The following CADM2 variants were observed in gnomAD, a reference collection of about 807,000 sequenced individuals.
CADM2 encodes the protein cell adhesion molecule 2.
Under a neutral mutation model 49.8 loss-of-function variants are expected in CADM2, and 12 were observed. That is an observed-to-expected ratio of 0.24 (90% CI 0.15 to 0.39). The LOEUF (loss-of-function observed/expected upper bound fraction) is 0.39. Among genes scored for constraint, CADM2 ranks in the 10% least tolerant of loss-of-function variants. The pLI is 1.00. For missense variants in CADM2, 378 were observed against 492.3 expected, an observed-to-expected ratio of 0.77 and a Z score of 2.20; for synonymous variants, 214 against 175.4, an observed-to-expected ratio of 1.22 and a Z score of -1.74.
chr3:85,721,965 A>G lies in CADM2; in HGVS notation c.62-4557A>G, dbSNP rs75365133. Among the ~76,000 whole-genome samples, 303 of 152,332 alleles carry G rather than the reference A, an allele frequency of 2.0e-3. 2 individuals are homozygous for G. Among genetic ancestry groups the G allele is most frequent in the African/African-American group, 7.1e-3 (296 of 41,594 alleles). On this transcript the variant is annotated intron_variant, in intron 1 of 9. Coordinates refer to ENST00000383699, the MANE Select transcript of CADM2 (RefSeq NM_001167675.2). ...TGAGGAGGAGCTTTATTGAGCAACA[A>G]TAGGTCAGAGGAGGCCCTGGAGTGG...
intron 1 of CADM2, among the ~76,000 whole-genome samples, chr3:85,266,166 G>A (rs1275446632): frequency 6.6e-6 from 1 of 151,834 alleles, no homozygotes; most frequent in African/African-American, 2.4e-5. Flanking sequence ...AATAGGAAAT[G>A]GAGTTTGCGG....
intron 1 of CADM2, among the ~76,000 whole-genome samples, chr3:84,995,769 T>C (rs1353124593): frequency 6.6e-6 from 1 of 152,236 alleles, no homozygotes; most frequent in Non-Finnish European, 1.5e-5. Context: ...TCTAGCTTAT[T>C]GTTTCCACAA....
At chr3:85,240,207 G>A (rs1433916590) in intron 1 of CADM2, among the ~76,000 whole-genome samples, 3 of 151,388 alleles carry the variant, frequency 2.0e-5, no homozygotes, top group Non-Finnish European at 3.0e-5. Context: ...TATAATAAAA[G>A]TAGATGGATG....
At chr3:85,111,859 C>T (rs976319376) in intron 1 of CADM2, among the ~76,000 whole-genome samples, 2 of 151,686 alleles carry the variant, frequency 1.3e-5, no homozygotes, top group African/African-American at 4.8e-5. Context: ...AACATTTTAT[C>T]TTAACATTTC....
chr3:85,599,287 A>G (rs1442020901), intron 1 of CADM2, among the ~76,000 whole-genome samples: 1 of 152,050 alleles, frequency 6.6e-6, no homozygotes, highest in Non-Finnish European at 1.5e-5. Flanking sequence ...CCTGAAGGCC[A>G]CTATTAGGTC....
intron 1 of CADM2, among the ~76,000 whole-genome samples, chr3:85,204,994 T>G (rs1450798721): frequency 6.6e-6 from 1 of 151,844 alleles, no homozygotes; most frequent in Admixed American, 6.6e-5. Context: ...AATATAAATA[T>G]ACTTTTTAAA....
chr3:85,081,861 A>G (rs1306888293), intron 1 of CADM2, among the ~76,000 whole-genome samples: 1 of 152,204 alleles, frequency 6.6e-6, no homozygotes, highest in Non-Finnish European at 1.5e-5. Flanking sequence ...ATTTCAGAAA[A>G]TAAGACAAAG....
intron 1 of CADM2, among the ~76,000 whole-genome samples, chr3:84,980,105 C>G (rs2032078232): frequency 1.3e-5 from 2 of 152,054 alleles, no homozygotes; most frequent in South Asian, 4.1e-4. Flanking sequence ...GAGTTAAATT[C>G]CCCTCATTAT....
intron 6 of CADM2, among the ~76,000 whole-genome samples, chr3:85,926,649 G>C (rs971559348): frequency 6.6e-6 from 1 of 151,920 alleles, no homozygotes; most frequent in African/African-American, 2.4e-5. Flanking sequence ...ATTTGCTATC[G>C]GGAGGTTTTT....
chr3:85,745,732 G>A lies in CADM2; in HGVS notation c.88+19184G>A, dbSNP rs370423572. Among the ~76,000 whole-genome samples, 30 of 152,226 alleles carry A rather than the reference G, an allele frequency of 2.0e-4. No homozygotes were observed. In the East Asian group the frequency reaches 3.7e-3, roughly 19 times the overall value. On this transcript the variant is annotated intron_variant, in intron 2 of 9. Coordinates refer to ENST00000383699, the MANE Select transcript of CADM2 (RefSeq NM_001167675.2). ...AATTAAAAATTATTCAGGCATAGTG[G>A]TGCATGCCTGTAGTCCCAGCTACTC...
At chr3:85,805,815 G>A (rs1293161802) in intron 3 of CADM2, among the ~76,000 whole-genome samples, 1 of 152,112 alleles carries the variant, frequency 6.6e-6, no homozygotes, top group Admixed American at 6.6e-5. Flanking sequence ...ATGAGAGCAA[G>A]AGAGAAAAGG....
At chr3:85,832,080 T>C (rs2108232299) in intron 3 of CADM2, among the ~76,000 whole-genome samples, 1 of 152,060 alleles carries the variant, frequency 6.6e-6, no homozygotes, top group East Asian at 1.9e-4. Context: ...CATTTACTGA[T>C]TAGGGATTCC....
intron 8 of CADM2, among the ~76,000 whole-genome samples, chr3:86,063,888 G>C (rs1402843703): frequency 1.3e-5 from 2 of 152,088 alleles, no homozygotes; most frequent in East Asian, 3.9e-4. Flanking sequence ...AGAGCAGGAA[G>C]TACACTCAAT....
At chr3:85,028,948 GAAA>G (rs10605493) in intron 1 of CADM2, among the ~76,000 whole-genome samples, 110,797 of 149,882 alleles carry the variant, frequency 0.74, 42,202 homozygotes, top group African/African-American at 0.92. Context: ...CTGTTTTACC[GAAA>G]TAAAACAGTA....
At chr3:85,118,244 C>T (rs978728202) in intron 1 of CADM2, among the ~76,000 whole-genome samples, 1 of 150,944 alleles carries the variant, frequency 6.6e-6, no homozygotes, top group Non-Finnish European at 1.5e-5. Context: ...CATAAGAGTA[C>T]ATAAAATATT....
chr3:85,460,747 T>A, intron 1 of CADM2, among the ~76,000 whole-genome samples: 1 of 151,920 alleles, frequency 6.6e-6, no homozygotes, highest in Non-Finnish European at 1.5e-5. Context: ...TGTGTGTGTG[T>A]GTGTGTGTGT....
In CADM2 at chr3:85,564,176, T is replaced by A. The variant is rs1220569424; in HGVS notation, c.62-162346T>A. Among the ~76,000 whole-genome samples the A allele has an allele frequency of 1.4e-4, 6 of 42,064 alleles. 1 individual carries two copies. The highest frequency in any genetic ancestry group is 5.2e-4 in the Non-Finnish European group (5 of 9,586). 27.6% of individuals were successfully genotyped at this position (42,064 alleles called of 152,430 possible). On this transcript the variant is annotated intron_variant, in intron 1 of 9. Transcript: ENST00000383699. ...AATTTAGAAAGCATGATTCTCTCTC[T>A]CTCTCTCTCTCTCTCTCTCTCTCCA...
intron 1 of CADM2, among the ~76,000 whole-genome samples, chr3:85,442,823 G>T (rs1258826345): frequency 2.0e-4 from 31 of 151,286 alleles, no homozygotes; most frequent in Admixed American, 2.0e-3. Context: ...GAAATAGGAA[G>T]AGTAAGAAAG....
intron 1 of CADM2, among the ~76,000 whole-genome samples, chr3:85,086,931 C>T (rs2037405080): frequency 6.6e-6 from 1 of 152,100 alleles, no homozygotes; most frequent in Non-Finnish European, 1.5e-5. Flanking sequence ...TATTTGAGGA[C>T]ATTGTAAATG....
Sources: gnomAD v4.1 joint callset for allele counts (sites outside exome capture counted in the v4.1 genomes callset) on GRCh38, gnomAD v4.1.1 for gene constraint, MANE v1.5 for transcripts, NCBI Gene and HGNC (gene_info 2026-07-23, HGNC 2026-07-21) for gene names.